The following ANKRD6 variants were observed in gnomAD, a reference collection of about 807,000 sequenced individuals.
ANKRD6 encodes the protein ankyrin repeat domain-containing protein 6.
In ANKRD6, 56 loss-of-function variants were observed where a neutral mutation model predicts 82.3. That is an observed-to-expected ratio of 0.68 (90% CI 0.55 to 0.85). The LOEUF is 0.85. Ranked by LOEUF, ANKRD6 falls within the 40% of genes least tolerant of loss-of-function variation. The probability of loss-of-function intolerance (pLI) is 0.00; values close to 1 mark genes in which losing one functional copy is unlikely to be tolerated. For synonymous variants in ANKRD6, 347 were observed against 352.1 expected (o/e 0.99, Z 0.16); for missense variants, 852 against 907.6 (o/e 0.94, Z 0.79).
intron 2 of ANKRD6, among the ~76,000 whole-genome samples, chr6:89,578,952 C>T (rs1470328448): frequency 6.6e-6 from 1 of 152,190 alleles, no homozygotes; most frequent in Non-Finnish European, 1.5e-5. Context: ...GCCCTTCCAC[C>T]ACTATGCTGG....
chr6:89,554,775 G>C (rs1786341137), intron 1 of ANKRD6, among the ~76,000 whole-genome samples: 1 of 152,154 alleles, frequency 6.6e-6, no homozygotes, highest in Admixed American at 6.5e-5. Context: ...TTGTACACAA[G>C]ACTAACCTGA....
At chr6:89,541,645 G>GC (rs779428520) in intron 1 of ANKRD6, among the ~76,000 whole-genome samples, 1 of 151,544 alleles carries the variant, frequency 6.6e-6, no homozygotes, top group Non-Finnish European at 1.5e-5. Context: ...GCCTGCCTCG[G>GC]CCCCCCAGTA....
chr6:89,525,622 A>G (rs564680822), intron 1 of ANKRD6, among the ~76,000 whole-genome samples: 17 of 152,182 alleles, frequency 1.1e-4, no homozygotes, highest in Non-Finnish European at 2.2e-4. Context: ...GTTGGGTTTT[A>G]TGCCTCACTG....
chr6:89,591,290 A>G (rs1358725051), intron 2 of ANKRD6, among the ~76,000 whole-genome samples: 4 of 152,108 alleles, frequency 2.6e-5, no homozygotes, highest in African/African-American at 9.7e-5. Context: ...TTTTTGGTAG[A>G]GATGACATTT....
intron 1 of ANKRD6, among the ~76,000 whole-genome samples, chr6:89,510,797 G>C (rs533814068): frequency 2.0e-5 from 3 of 151,988 alleles, no homozygotes; most frequent in Admixed American, 6.5e-5. Flanking sequence ...TGTAAGTTCT[G>C]TGAAGGATCT....
chr6:89,482,993 T>C (rs1216530654), intron 1 of ANKRD6, among the ~76,000 whole-genome samples: 1 of 152,348 alleles, frequency 6.6e-6, no homozygotes, highest in African/African-American at 2.4e-5. Flanking sequence ...CATATTGATC[T>C]ATAAACAAAC....
chr6:89,496,056 T>G (rs1778570790), intron 1 of ANKRD6, among the ~76,000 whole-genome samples: 1 of 151,970 alleles, frequency 6.6e-6, no homozygotes, highest in Admixed American at 6.6e-5. Context: ...GTGGCCACCT[T>G]CAGTCTTTAG....
chr6:89,520,662 C>T (rs1303491121), intron 1 of ANKRD6, among the ~76,000 whole-genome samples: 2 of 152,212 alleles, frequency 1.3e-5, no homozygotes, highest in African/African-American at 4.8e-5. Flanking sequence ...TACACAAACC[C>T]AGCCCTTCTT....
intron 3 of ANKRD6, among the ~76,000 whole-genome samples, chr6:89,599,759 T>C (rs546450238): frequency 6.6e-6 from 1 of 152,318 alleles, no homozygotes; most frequent in Non-Finnish European, 1.5e-5. Flanking sequence ...AATTCTCATC[T>C]TGGTTACTTG....
chr6:89,597,541 CTG>C (rs1359753231), intron 3 of ANKRD6, among the ~76,000 whole-genome samples: 2 of 152,314 alleles, frequency 1.3e-5, no homozygotes, highest in African/African-American at 4.8e-5. Flanking sequence ...CTAAGTATCA[CTG>C]TGTTCTCATG....
chr6:89,608,344 C>A (rs1451330560), intron 5 of ANKRD6, among the ~76,000 whole-genome samples: 1 of 147,130 alleles, frequency 6.8e-6, no homozygotes, highest in Non-Finnish European at 1.5e-5. Context: ...GCAGTAAGTA[C>A]CCTCCCTAAT....
intron 1 of ANKRD6, among the ~76,000 whole-genome samples, chr6:89,524,334 T>C (rs1196906112): frequency 6.6e-6 from 1 of 151,908 alleles, no homozygotes; most frequent in Non-Finnish European, 1.5e-5. Flanking sequence ...CAAAGTCCAC[T>C]ATATTATTCT....
At chr6:89,567,126 T>C (rs1384881526) in intron 2 of ANKRD6, 30 bp downstream of exon 2, 1 of 1,560,640 alleles carries the variant, frequency 6.4e-7, no homozygotes, top group Admixed American at 1.9e-5. Context: ...CTGTAGCCAT[T>C]CCCTGGGAAC....
chr6:89,537,854 G>T (rs1404403374), intron 1 of ANKRD6, among the ~76,000 whole-genome samples: 1 of 137,212 alleles, frequency 7.3e-6, no homozygotes, highest in Non-Finnish European at 1.5e-5. Context: ...AGCTGTGGTT[G>T]TGCTGACAGA....
chr6:89,564,534 C>T (rs1225730306), intron 1 of ANKRD6, among the ~76,000 whole-genome samples: 3 of 152,064 alleles, frequency 2.0e-5, no homozygotes, highest in Non-Finnish European at 4.4e-5. Flanking sequence ...GAATTCATTG[C>T]ATGGGACTGG....
At chr6:89,539,828 ACT>A (rs1168937690) in intron 1 of ANKRD6, among the ~76,000 whole-genome samples, 2 of 141,222 alleles carry the variant, frequency 1.4e-5, no homozygotes, top group Non-Finnish European at 3.0e-5. Context: ...CCATCCTTCT[ACT>A]CTCTATGTCC....
chr6:89,540,447 A>G (rs1423289266), intron 1 of ANKRD6, among the ~76,000 whole-genome samples: 5 of 151,964 alleles, frequency 3.3e-5, no homozygotes, highest in Non-Finnish European at 4.4e-5. Context: ...CTACTCAAAT[A>G]TTTTGCCCAT....
intron 1 of ANKRD6, among the ~76,000 whole-genome samples, chr6:89,480,278 A>T (rs891892313): frequency 6.6e-6 from 1 of 152,166 alleles, no homozygotes; most frequent in Admixed American, 6.5e-5. Flanking sequence ...TCTCCACCAG[A>T]CTCAAAATCC....
intron 1 of ANKRD6, among the ~76,000 whole-genome samples, chr6:89,513,986 A>C (rs1583021866): frequency 6.6e-6 from 1 of 152,230 alleles, no homozygotes; most frequent in Non-Finnish European, 1.5e-5. Flanking sequence ...AAGTAGCTAA[A>C]CCTTACATCA....
Sources: gnomAD v4.1 joint callset for allele counts (sites outside exome capture counted in the v4.1 genomes callset) on GRCh38, gnomAD v4.1.1 for gene constraint, MANE v1.5 for transcripts, NCBI Gene and HGNC (gene_info 2026-07-23, HGNC 2026-07-21) for gene names.